The following KCNQ1 variants were observed in gnomAD, a reference collection of about 807,000 sequenced individuals.
The protein encoded by KCNQ1 is potassium voltage-gated channel subfamily Q member 1.
In KCNQ1, 49 loss-of-function variants were observed where a neutral mutation model predicts 72.4. The ratio of observed to expected loss-of-function variants is 0.68; its 90% CI spans 0.54 to 0.86. KCNQ1 has a LOEUF of 0.86. Ranked by LOEUF, KCNQ1 falls within the 40% of genes least tolerant of loss-of-function variation. The pLI is 0.00. For missense variants in KCNQ1, 790 were observed against 945.1 expected (o/e 0.84, Z 2.15); for synonymous variants, 450 against 412.6 (o/e 1.09, Z -1.10).
At position 2,682,620 on chromosome 11, in the gene KCNQ1, T is replaced by G. The variant is rs1348689606; in HGVS notation, c.1514+20539T>G. ...GGAGAGTGTAAGGCTTGAGAGCTCTTCTTCAGGCTCAGTCATCCCTGCTTC... is the reference window on the plus strand; with the variant it reads ...GGAGAGTGTAAGGCTTGAGAGCTCTGCTTCAGGCTCAGTCATCCCTGCTTC... On this transcript the variant is annotated intron_variant, in intron 11 of 15. Transcript: ENST00000155840. The surrounding 1 kb of genome is among the most constrained non-coding windows in gnomAD (Gnocchi z 5.8). The G allele has an allele frequency of 2.5e-6, 1 of 398,598 alleles. No homozygotes were observed. The highest frequency in any genetic ancestry group is 3.6e-5 in the East Asian group (1 of 28,068). 24.7% of individuals were successfully genotyped at this position (398,598 alleles called of 1,614,324 possible).
intron 2 of KCNQ1, among the ~76,000 whole-genome samples, chr11:2,569,042 T>C (rs1189350577): frequency 1.3e-5 from 2 of 152,094 alleles, no homozygotes; most frequent in Non-Finnish European, 2.9e-5. Flanking sequence ...TGCGCCACCA[T>C]GCCAGGCTAA....
intron 1 of KCNQ1, among the ~76,000 whole-genome samples, chr11:2,499,240 T>A (rs1328668718): frequency 2.6e-5 from 4 of 152,204 alleles, no homozygotes; most frequent in Non-Finnish European, 5.9e-5. Context: ...TAAGTCATCA[T>A]CAGTTTAAAA....
intron 15 of KCNQ1, among the ~76,000 whole-genome samples, chr11:2,842,218 A>G (rs1051989706): frequency 1.1e-4 from 16 of 152,162 alleles, no homozygotes; most frequent in Non-Finnish European, 2.9e-5. Context: ...AGGGGCTGCC[A>G]CGACGCTCGA....
In KCNQ1 at chr11:2,817,671, G is replaced by A. The variant is rs1564904394; in HGVS notation, c.1795-30096G>A. On this transcript the variant is annotated intron_variant, in intron 15 of 15. Coordinates refer to ENST00000155840, the MANE Select transcript of KCNQ1 (RefSeq NM_000218.3). This position sits in a 1 kb window ranked among gnomAD's most constrained non-coding sequence, Gnocchi z 6.1. Reference sequence around the variant, plus strand: ...TGGTGAGAGCTACCCCGGGTCTGGGGACTGTTAGCACAGACCTGAGCCGAG... The same window carrying A: ...TGGTGAGAGCTACCCCGGGTCTGGGAACTGTTAGCACAGACCTGAGCCGAG... Among the ~76,000 whole-genome samples the A allele has an allele frequency of 6.6e-6, 1 of 152,122 alleles. No homozygotes were observed. The highest frequency in any genetic ancestry group is 1.5e-5 in the Non-Finnish European group (1 of 68,012).
Position 2,826,259 on chromosome 11 carries a change from G to A in KCNQ1, c.1795-21508G>A, listed in dbSNP as rs1847837525. 6.6e-6 allele frequency among the ~76,000 whole-genome samples: 1 copy of A among 152,208 alleles called. No individual in the cohort carries two copies. Among genetic ancestry groups the A allele is most frequent in the Non-Finnish European group, 1.5e-5 (1 of 68,034 alleles). The stretch of plus-strand genomic sequence containing the variant: ...TCAGCTGTGACTTGGAAGGAAAGAG[G>A]GCCCGGCCTTTGAAAAATGAAGAAA... On this transcript the variant is annotated intron_variant, in intron 15 of 15. Coordinates refer to ENST00000155840, the MANE Select transcript of KCNQ1 (RefSeq NM_000218.3). This position sits in a 1 kb window ranked among gnomAD's most constrained non-coding sequence, Gnocchi z 4.2.
In KCNQ1 at chr11:2,690,104, C is replaced by T. The variant is rs1224421220; in HGVS notation, c.1514+28023C>T. On this transcript the variant is annotated intron_variant, in intron 11 of 15. Coordinates refer to ENST00000155840, the MANE Select transcript of KCNQ1 (RefSeq NM_000218.3). This position sits in a 1 kb window ranked among gnomAD's most constrained non-coding sequence, Gnocchi z 5.1. The stretch of plus-strand genomic sequence containing the variant: ...GGCACAGCAGGGACAATCGCTCTTC[C>T]GGGGTTAGAACTGGGGGAGCAGGGA... The T allele has an allele frequency of 1.0e-5, 4 of 398,836 alleles. No individual in the cohort carries two copies. Among genetic ancestry groups the T allele is most frequent in the South Asian group, 2.5e-4 (2 of 7,864 alleles). 24.7% of individuals were successfully genotyped at this position (398,836 alleles called of 1,614,324 possible). A position where few individuals can be genotyped will look rare whatever the true frequency, so the allele number is the denominator to read the frequency against.
rs11820567 is a variant in KCNQ1, at chr11:2,758,363, G to A, written c.1515-10481G>A. The stretch of plus-strand genomic sequence containing the variant: ...TAAAACCACAGTGAGCGGTCACTAC[G>A]CACCTATCAGAATGGCTAAAATGAA... On this transcript the variant is annotated intron_variant, in intron 11 of 15. Transcript: ENST00000155840. 3.2e-3 allele frequency among the ~76,000 whole-genome samples: 489 copies of A among 152,308 alleles called. 3 individuals carry two copies. The highest frequency in any genetic ancestry group is 0.011 in the African/African-American group (473 of 41,544).
rs947750123 is a variant in KCNQ1 at position 2,697,776 on chromosome 11, G to T, written c.1514+35695G>T. 14 of 398,576 alleles carry T rather than the reference G, an allele frequency of 3.5e-5. No individual in the cohort carries two copies. The East Asian group carries it at 5.0e-4, about 14-fold the overall frequency. The allele number at this position is 398,576 out of a possible 1,614,324, so 24.7% of individuals were successfully genotyped here. ...TTATTGGATTCAGTTAGCTAGCATT[G>T]TACAAGGAACTTCTGCATCTACATT... On this transcript the variant is annotated intron_variant, in intron 11 of 15. Coordinates refer to ENST00000155840, the MANE Select transcript of KCNQ1 (RefSeq NM_000218.3).
At chr11:2,501,615 A>G (rs1343116157) in intron 1 of KCNQ1, among the ~76,000 whole-genome samples, 2 of 151,868 alleles carry the variant, frequency 1.3e-5, no homozygotes, top group Admixed American at 6.6e-5. Flanking sequence ...AACTAATACT[A>G]ATCCTTCTGA....
rs79955815 is a variant in KCNQ1 at position 2,630,814 on chromosome 11, G to C, written c.1394-31147G>C. 7.0e-3 allele frequency: 2,773 copies of C among 398,446 alleles called. 54 individuals carry two copies. Among genetic ancestry groups the C allele is most frequent in the African/African-American group, 0.051 (2,500 of 48,740 alleles). 24.7% of individuals were successfully genotyped at this position (398,446 alleles called of 1,614,324 possible). A position where few individuals can be genotyped will look rare whatever the true frequency, so the allele number is the denominator to read the frequency against. The stretch of plus-strand genomic sequence containing the variant: ...ACTTTTGTTTACCTGAGGAAGTCTT[G>C]TATCTGTTTCATATCTGAAGGACAG... On this transcript the variant is annotated intron_variant, in intron 10 of 15. Coordinates refer to ENST00000155840, the MANE Select transcript of KCNQ1 (RefSeq NM_000218.3).
At chr11:2,534,460 G>C (rs1310208344) in intron 2 of KCNQ1, among the ~76,000 whole-genome samples, 1 of 152,218 alleles carries the variant, frequency 6.6e-6, no homozygotes, top group East Asian at 1.9e-4. Context: ...CCCACCCCGA[G>C]GTCTGACTCC....
In KCNQ1 at chr11:2,471,922, A is replaced by G. The variant is rs1205601198; in HGVS notation, c.386+26438A>G. ...TGTGTATGCGTGCACCTATGTGTGT[A>G]TAGGCGTGTATGTGTGCGCGTGTGT... On this transcript the variant is annotated intron_variant, in intron 1 of 15. Coordinates refer to ENST00000155840, the MANE Select transcript of KCNQ1 (RefSeq NM_000218.3). The surrounding 1 kb of genome is among the most constrained non-coding windows in gnomAD (Gnocchi z 4.8). Among the ~76,000 whole-genome samples the G allele has an allele frequency of 6.9e-6, 1 of 145,802 alleles. No homozygotes were observed. Among genetic ancestry groups the G allele is most frequent in the Admixed American group, 6.8e-5 (1 of 14,800 alleles).
intron 1 of KCNQ1, among the ~76,000 whole-genome samples, chr11:2,496,504 T>TTTTTTTTTTTTTTTTTG: frequency 1.8e-5 from 2 of 114,264 alleles, no homozygotes; most frequent in Non-Finnish European, 3.7e-5. Context: ...GCTTTTTTTT[T>TTTTTTTTTTTTTTTTTG]TTTTTTTTTT....
At chr11:2,792,463 G>A (rs1847046299) in intron 15 of KCNQ1, among the ~76,000 whole-genome samples, 1 of 152,204 alleles carries the variant, frequency 6.6e-6, no homozygotes, top group African/African-American at 2.4e-5. Context: ...TAGGAGGGAC[G>A]GGGCCGTGAC....
chr11:2,535,652 G>A (rs907455998), intron 2 of KCNQ1, among the ~76,000 whole-genome samples: 3 of 152,322 alleles, frequency 2.0e-5, no homozygotes, highest in African/African-American at 4.8e-5. Context: ...TCTCTCATGC[G>A]CTGGCCGTAG....
rs567032396 is a variant in KCNQ1, at chr11:2,475,783, A to G, written c.386+30299A>G. Among the ~76,000 whole-genome samples the G allele has an allele frequency of 2.0e-5, 3 of 152,190 alleles. No individual in the cohort carries two copies. The South Asian group carries it at 6.2e-4, about 32-fold the overall frequency. Reference sequence around the variant, plus strand: ...CGTAATAGTGAATACGTCTCATAAGATCTGATGGTTTTAAAAAGAGGCATT... The same window carrying G: ...CGTAATAGTGAATACGTCTCATAAGGTCTGATGGTTTTAAAAAGAGGCATT... On this transcript the variant is annotated intron_variant, in intron 1 of 15. Transcript: ENST00000155840. The surrounding 1 kb of genome is among the most constrained non-coding windows in gnomAD (Gnocchi z 5.8).
chr11:2,784,360 GGTCTATATGCCTTTCTGTAA>G lies in KCNQ1; in HGVS notation c.1794+6344_1794+6363del, dbSNP rs1463171765. Among the ~76,000 whole-genome samples the G allele has an allele frequency of 8.6e-5, 13 of 151,826 alleles. No homozygotes were observed. Among genetic ancestry groups the G allele is most frequent in the Admixed American group, 8.5e-4 (13 of 15,254 alleles). On this transcript the variant is annotated intron_variant, in intron 15 of 15. Transcript: ENST00000155840. This position sits in a 1 kb window ranked among gnomAD's most constrained non-coding sequence, Gnocchi z 4.7. ...TCTGGATTTTCAATTCTATTATGTTGGTCTATATGCCTTTCTGTAAGTCTATATGCCTTTCTGTAAACCCA... is the reference window on the plus strand; with the variant it reads ...TCTGGATTTTCAATTCTATTATGTTGGTCTATATGCCTTTCTGTAAACCCA...
chr11:2,496,495 CTTTTTTTTTTTTT>C, intron 1 of KCNQ1, among the ~76,000 whole-genome samples: 2 of 29,830 alleles, frequency 6.7e-5, no homozygotes, highest in Non-Finnish European at 1.2e-4. Context: ...ACAACCCCTG[CTTTTTTTTTTTTT>C]TTTTTTTTTT....
chr11:2,646,874 G>C (rs941233262), intron 10 of KCNQ1: 1 of 398,472 alleles, frequency 2.5e-6, no homozygotes, highest in African/African-American at 2.1e-5. Context: ...TCCTTTACCA[G>C]TTCTAAAAGA....
Sources: allele counts gnomAD v4.1 joint callset (sites outside exome capture counted in the v4.1 genomes callset), GRCh38; gene constraint gnomAD v4.1.1; non-coding constraint Gnocchi (gnomAD v3.1); transcripts MANE v1.5; gene names NCBI Gene and HGNC (gene_info 2026-07-23, HGNC 2026-07-21).